BRINP3: variants seen among roughly 807,000 people sequenced by gnomAD.
BRINP3 encodes BMP/retinoic acid inducible neural specific 3, also known as BMP/retinoic acid-inducible neural-specific protein 3.
BRINP3 carries 19 observed loss-of-function variants against 71.0 expected under a neutral mutation model. The ratio of observed to expected loss-of-function variants is 0.27; its 90% CI spans 0.19 to 0.39. The LOEUF (loss-of-function observed/expected upper bound fraction) is 0.39. Ranked by LOEUF, BRINP3 falls within the 10% of genes least tolerant of loss-of-function variation. BRINP3 has a pLI of 1.00. For missense variants in BRINP3, 959 were observed against 940.8 expected, an observed-to-expected ratio of 1.02 and a Z score of -0.25; for synonymous variants, 380 against 337.7, an observed-to-expected ratio of 1.13 and a Z score of -1.37.
intron 6 of BRINP3, among the ~76,000 whole-genome samples, chr1:190,183,852 T>A (rs1478404463): frequency 6.6e-6 from 1 of 152,116 alleles, no homozygotes; most frequent in Non-Finnish European, 1.5e-5. Flanking sequence ...AAACCCAGAC[T>A]CCCTACTTGA....
intron 2 of BRINP3, among the ~76,000 whole-genome samples, chr1:190,338,325 A>G (rs1667425984): frequency 1.3e-5 from 2 of 152,022 alleles, no homozygotes; most frequent in Admixed American, 6.6e-5. Flanking sequence ...TTACTTAATA[A>G]AGGACCTTAT....
intron 7 of BRINP3, among the ~76,000 whole-genome samples, chr1:190,101,439 A>G (rs1329257764): frequency 5.3e-5 from 8 of 152,192 alleles, no homozygotes; most frequent in Admixed American, 3.9e-4. Context: ...TCATTTCTGT[A>G]TTCAGTCTTA....
At chr1:190,465,395 C>A (rs189241280) in intron 1 of BRINP3, among the ~76,000 whole-genome samples, 1 of 151,964 alleles carries the variant, frequency 6.6e-6, no homozygotes, top group East Asian at 1.9e-4. Context: ...AGTTCTCAGC[C>A]CCTGACTTCT....
At chr1:190,277,411 C>G (rs1482444340) in intron 3 of BRINP3, among the ~76,000 whole-genome samples, 1 of 151,308 alleles carries the variant, frequency 6.6e-6, no homozygotes. Context: ...GCTACTATGA[C>G]TGGTTGGATA....
At chr1:190,258,438 A>G (rs957609402) in intron 4 of BRINP3, among the ~76,000 whole-genome samples, 1 of 152,222 alleles carries the variant, frequency 6.6e-6, no homozygotes, top group Non-Finnish European at 1.5e-5. Context: ...ACAACAAAAT[A>G]CAGAAAATTC....
chr1:190,266,718 A>G (rs2102882168), intron 3 of BRINP3, among the ~76,000 whole-genome samples: 1 of 152,332 alleles, frequency 6.6e-6, no homozygotes, highest in Admixed American at 6.5e-5. Context: ...AAACTCATCC[A>G]CGTGATAAGT....
chr1:190,343,633 T>C (rs1667815395), intron 2 of BRINP3, among the ~76,000 whole-genome samples: 1 of 151,648 alleles, frequency 6.6e-6, no homozygotes, highest in African/African-American at 2.4e-5. Context: ...CCATTACTAG[T>C]ATTATTATAT....
At chr1:190,394,189 C>G (rs940859008) in intron 2 of BRINP3, among the ~76,000 whole-genome samples, 11 of 151,462 alleles carry the variant, frequency 7.3e-5, no homozygotes, top group African/African-American at 2.7e-4. Context: ...TTAAAAGTGT[C>G]AAGCTGTTCA....
chr1:190,229,966 A>G (rs1381314376), intron 5 of BRINP3, among the ~76,000 whole-genome samples: 2 of 152,022 alleles, frequency 1.3e-5, no homozygotes, highest in Non-Finnish European at 1.5e-5. Flanking sequence ...CAATATGGCA[A>G]GGAACTAGAA....
At chr1:190,363,994 A>C (rs1669323558) in intron 2 of BRINP3, among the ~76,000 whole-genome samples, 1 of 152,128 alleles carries the variant, frequency 6.6e-6, no homozygotes, top group Non-Finnish European at 1.5e-5. Context: ...ACAAAATATG[A>C]AGAAAAATGA....
chr1:190,111,199 A>C (rs12083269), intron 7 of BRINP3, among the ~76,000 whole-genome samples: 4 of 149,378 alleles, frequency 2.7e-5, no homozygotes, highest in Non-Finnish European at 4.4e-5. Flanking sequence ...AAAAAAAAAA[A>C]AAAAAAAAAC....
chr1:190,428,749 A>G (rs1673893770), intron 2 of BRINP3, among the ~76,000 whole-genome samples: 1 of 152,254 alleles, frequency 6.6e-6, no homozygotes, highest in Non-Finnish European at 1.5e-5. Flanking sequence ...CATTGTATAT[A>G]TGTATTAAAA....
chr1:190,320,063 G>A (rs1180878625), intron 2 of BRINP3, among the ~76,000 whole-genome samples: 2 of 151,840 alleles, frequency 1.3e-5, no homozygotes, highest in Non-Finnish European at 2.9e-5. Flanking sequence ...TTGGTGGATA[G>A]GTTCTTGGTA....
intron 4 of BRINP3, among the ~76,000 whole-genome samples, chr1:190,249,372 T>C (rs1659908516): frequency 6.6e-6 from 1 of 151,868 alleles, no homozygotes; most frequent in Non-Finnish European, 1.5e-5. Flanking sequence ...TTATTATTTC[T>C]AGCAATTACA....
chr1:190,312,036 AATATATATATAT>A (rs1180367434), intron 2 of BRINP3, among the ~76,000 whole-genome samples: 948 of 68,306 alleles, frequency 0.014, 22 homozygotes, highest in Middle Eastern at 0.091. Flanking sequence ...TGAAAAGTCA[AATATATATATAT>A]ATATATATAT....
chr1:190,177,921 T>C (rs760647770), intron 6 of BRINP3, among the ~76,000 whole-genome samples: 1 of 152,214 alleles, frequency 6.6e-6, no homozygotes, highest in African/African-American at 2.4e-5. Flanking sequence ...TTTTTTCTTG[T>C]CATTATTCCT....
At chr1:190,278,800 GC>G (rs1258793593) in intron 3 of BRINP3, among the ~76,000 whole-genome samples, 1 of 151,320 alleles carries the variant, frequency 6.6e-6, no homozygotes, top group South Asian at 2.1e-4. Flanking sequence ...AGAGCATACT[GC>G]CATCACTGGA....
At chr1:190,245,235 C>T (rs1659477424) in intron 4 of BRINP3, among the ~76,000 whole-genome samples, 1 of 150,418 alleles carries the variant, frequency 6.6e-6, no homozygotes, top group African/African-American at 2.4e-5. Context: ...ACTGTTCTGT[C>T]ATTTCTTTTC....
At chr1:190,278,042 G>A (rs947924119) in intron 3 of BRINP3, among the ~76,000 whole-genome samples, 3 of 151,528 alleles carry the variant, frequency 2.0e-5, no homozygotes, top group East Asian at 1.9e-4. Flanking sequence ...TCCCATTAAA[G>A]GCTTCAAGTA....
Sources: gnomAD v4.1 joint callset for allele counts (sites outside exome capture counted in the v4.1 genomes callset) on GRCh38, gnomAD v4.1.1 for gene constraint, MANE v1.5 for transcripts, NCBI Gene and HGNC (gene_info 2026-07-23, HGNC 2026-07-21) for gene names.